Variants in RAB40B observed in about 807,000 individuals in gnomAD.
RAB40B encodes the protein RAB40B, member RAS oncogene family, also known as ras-related protein Rab-40B.
In RAB40B, 21 loss-of-function variants were observed where a neutral mutation model predicts 24.0. The ratio of observed to expected loss-of-function variants is 0.88; its 90% CI spans 0.62 to 1.26. RAB40B has a LOEUF of 1.26. Ranked by LOEUF, RAB40B falls within the 50% of genes most tolerant of loss-of-function variation. The pLI is 0.00. For missense variants in RAB40B, 348 were observed against 390.5 expected, an observed-to-expected ratio of 0.89 and a Z score of 0.92; for synonymous variants, 167 against 169.8, an observed-to-expected ratio of 0.98 and a Z score of 0.13.
At chr17:82,683,999 T>G (rs1171340107) in intron 1 of RAB40B, among the ~76,000 whole-genome samples, 4 of 151,912 alleles carry the variant, frequency 2.6e-5, no homozygotes, top group Admixed American at 2.6e-4. Flanking sequence ...GGCGGGTGGA[T>G]CACCTGAAGT....
At chr17:82,683,000 G>A (rs568632876) in intron 1 of RAB40B, among the ~76,000 whole-genome samples, 10 of 152,154 alleles carry the variant, frequency 6.6e-5, no homozygotes, top group South Asian at 4.1e-4. Flanking sequence ...AAAATTAGCC[G>A]GGCATGGTGG....
chr17:82,660,844 G>A (rs113934752), intron 3 of RAB40B, 143 bp downstream of exon 3: 114 of 1,049,208 alleles, frequency 1.1e-4, no homozygotes, highest in African/African-American at 1.1e-3. Flanking sequence ...TCTACAGCAC[G>A]TTTTTAGACT....
chr17:82,666,249 AT>A (rs34212418), intron 1 of RAB40B, among the ~76,000 whole-genome samples: 81 of 146,762 alleles, frequency 5.5e-4, no homozygotes, highest in Middle Eastern at 3.5e-3. Flanking sequence ...GCCACAATAC[AT>A]TTTTTTTTTT....
chr17:82,696,090 G>A (rs974481630), intron 1 of RAB40B, among the ~76,000 whole-genome samples: 2 of 152,002 alleles, frequency 1.3e-5, no homozygotes, highest in African/African-American at 2.4e-5. Context: ...GGCTGGTCTC[G>A]AACCCCTGAC....
chr17:82,676,922 G>A (rs1387858444), intron 1 of RAB40B, among the ~76,000 whole-genome samples: 1 of 148,998 alleles, frequency 6.7e-6, no homozygotes, highest in African/African-American at 2.5e-5. Flanking sequence ...TACCGCGCCC[G>A]GCCGGTAGCC....
chr17:82,684,851 C>T (rs1207466469), intron 1 of RAB40B, among the ~76,000 whole-genome samples: 6 of 152,224 alleles, frequency 3.9e-5, no homozygotes, highest in Admixed American at 3.3e-4. Context: ...CGGTGGCCCA[C>T]GCCTGTAATC....
chr17:82,661,982 C>G (rs1041686228), intron 2 of RAB40B: 2 of 985,242 alleles, frequency 2.0e-6, no homozygotes, highest in African/African-American at 3.5e-5. Flanking sequence ...CTGGGACAGC[C>G]AGCGCTGTTT....
chr17:82,691,733 G>A (rs1482214459), intron 1 of RAB40B, among the ~76,000 whole-genome samples: 1 of 152,186 alleles, frequency 6.6e-6, no homozygotes, highest in Non-Finnish European at 1.5e-5. Context: ...AGCACTCAGA[G>A]AAGGGACACA....
At chr17:82,690,352 G>A (rs921726494) in intron 1 of RAB40B, among the ~76,000 whole-genome samples, 5 of 149,396 alleles carry the variant, frequency 3.3e-5, no homozygotes, top group African/African-American at 9.9e-5. Context: ...GAGTGTGTAC[G>A]TGTGTCCAGG....
intron 1 of RAB40B, among the ~76,000 whole-genome samples, chr17:82,665,061 G>A (rs867729161): frequency 7.2e-5 from 11 of 152,330 alleles, no homozygotes; most frequent in Middle Eastern, 6.8e-3. Context: ...CAGACGTGAC[G>A]CTGCGTGGGA....
chr17:82,662,494 C>T, intron 2 of RAB40B: 1 of 985,414 alleles, frequency 1.0e-6, no homozygotes, highest in Non-Finnish European at 1.2e-6. Context: ...CAGAGCAGAG[C>T]CCAACCCCAG....
intron 1 of RAB40B, among the ~76,000 whole-genome samples, chr17:82,670,862 G>A (rs985475845): frequency 1.3e-5 from 2 of 151,966 alleles, no homozygotes; most frequent in African/African-American, 4.8e-5. Context: ...CGCCCTACGA[G>A]TTTCAAAACC....
chr17:82,661,142 C>A, intron 2 of RAB40B, 95 bp from the exon 3 acceptor site: 1 of 1,521,478 alleles, frequency 6.6e-7, no homozygotes, highest in South Asian at 1.3e-5. Flanking sequence ...GCACCACACA[C>A]CCGCCAGTCA....
Position 82,697,650 on chromosome 17 carries a change from T to C in RAB40B, c.142+805A>G, listed in dbSNP as rs955341872. Among the ~76,000 whole-genome samples, 1 of 152,170 alleles carries C rather than the reference T, an allele frequency of 6.6e-6. No individual in the cohort carries two copies. Among genetic ancestry groups the C allele is most frequent in the Non-Finnish European group, 1.5e-5 (1 of 68,024 alleles). ...GCCTGCTCCTCACTCCCAGCCGAGG[T>C]GTTCGCCTCTGCGCGTTCCCCCTTC... On this transcript the variant is annotated intron_variant, in intron 1 of 5. Transcript: ENST00000571995. This position sits in a 1 kb window ranked among gnomAD's most constrained non-coding sequence, Gnocchi z 4.9.
intron 1 of RAB40B, among the ~76,000 whole-genome samples, chr17:82,679,785 A>G (rs1198414128): frequency 5.4e-5 from 1 of 18,432 alleles, no homozygotes; most frequent in African/African-American, 2.1e-4. Flanking sequence ...GGCAGGGGCC[A>G]GCTTCCACTG....
rs756532060 is a variant in RAB40B, at chr17:82,698,619, C to T, written c.-23G>A. ...CATCGTGACGGCCCGGCGCCCCCAC[C>T]CATGCCCGGCCTGCGGGGCTGAGCG... On this transcript the variant is annotated 5_prime_UTR_variant, in exon 1 of 6. Transcript: ENST00000571995. 1 of 1,413,844 alleles carries T rather than the reference C, an allele frequency of 7.1e-7. No individual in the cohort carries two copies. Among genetic ancestry groups the T allele is most frequent in the South Asian group, 1.4e-5 (1 of 69,134 alleles). The allele number at this position is 1,413,844 out of a possible 1,614,324, so 87.6% of individuals were successfully genotyped here. A position where few individuals can be genotyped will look rare whatever the true frequency, so the allele number is the denominator to read the frequency against.
chr17:82,698,538 A>G lies in RAB40B; in HGVS notation c.59T>C (p.Val20Ala). Residue 20 changes from valine (V) to alanine (A), a missense_variant, in exon 1 of 6, where the codon GTG (valine) becomes GCG (alanine). Transcript: ENST00000571995. ...GCCCTTGCCCACGTCGCTGTCGCCC[A>G]CCAGCAGGAACTTGAGCAGAAAGTC... Reference protein sequence around the residue: ...AYDFLLKFLLVGDSDVGKGEI... With the variant: ...AYDFLLKFLLAGDSDVGKGEI... The G allele has an allele frequency of 1.3e-6, 2 of 1,527,016 alleles. No individual in the cohort carries two copies. The highest frequency in any genetic ancestry group is 1.8e-6 in the Non-Finnish European group (2 of 1,132,264). The allele number at this position is 1,527,016 out of a possible 1,614,324, so 94.6% of individuals were successfully genotyped here.
rs1277405977 is a variant in RAB40B at position 82,657,138 on chromosome 17, C to G, written c.*725G>C. On this transcript the variant is annotated 3_prime_UTR_variant, in exon 6 of 6. Coordinates refer to ENST00000571995, the MANE Select transcript of RAB40B (RefSeq NM_006822.3). ...CCTAAATAAGTGTTTTCACTTCATT[C>G]TTTACTGAAACAGCTCTTCCTTGAC... is the stretch of plus-strand genomic sequence containing the variant. The G allele has an allele frequency of 1.3e-5, 2 of 153,176 alleles. No homozygotes were observed. Among genetic ancestry groups the G allele is most frequent in the Admixed American group, 1.3e-4 (2 of 15,334 alleles). The allele number at this position is 153,176 out of a possible 1,614,324, so 9.5% of individuals were successfully genotyped here. A position where few individuals can be genotyped will look rare whatever the true frequency, so the allele number is the denominator to read the frequency against.
intron 2 of RAB40B, chr17:82,661,283 G>C (rs939596108): frequency 8.4e-6 from 11 of 1,306,550 alleles, no homozygotes; most frequent in African/African-American, 1.5e-5. Flanking sequence ...AGAAAAAATA[G>C]TGACGGTTTT....
Sources: gnomAD v4.1 joint callset for allele counts (sites outside exome capture counted in the v4.1 genomes callset) on GRCh38, gnomAD v4.1.1 for gene constraint, Gnocchi (gnomAD v3.1) non-coding constraint, MANE v1.5 for transcripts, NCBI Gene and HGNC (gene_info 2026-07-23, HGNC 2026-07-21) for gene names.